PTCHD4: variants seen among roughly 807,000 people sequenced by gnomAD.
PTCHD4 encodes the protein patched domain-containing protein 4.
A neutral mutation model predicts 58.1 loss-of-function variants in PTCHD4; 33 were observed. That is an observed-to-expected ratio of 0.57 (90% CI 0.43 to 0.76). The LOEUF (loss-of-function observed/expected upper bound fraction) is 0.76. Ranked by LOEUF, PTCHD4 falls within the 30% of genes least tolerant of loss-of-function variation. PTCHD4 has a pLI of 0.00. For missense variants in PTCHD4, 1,058 were observed against 1,027.1 expected, an observed-to-expected ratio of 1.03 and a Z score of -0.41; for synonymous variants, 478 against 409.6, an observed-to-expected ratio of 1.17 and a Z score of -2.02.
chr6:48,030,293 A>G (rs1399895427), intron 3 of PTCHD4, among the ~76,000 whole-genome samples: 1 of 152,050 alleles, frequency 6.6e-6, no homozygotes, highest in Non-Finnish European at 1.5e-5. Flanking sequence ...GAGAAAAATT[A>G]TGTTTCCATG....
At chr6:47,990,506 C>T (rs1174186007) in intron 4 of PTCHD4, among the ~76,000 whole-genome samples, 4 of 152,148 alleles carry the variant, frequency 2.6e-5, no homozygotes, top group Non-Finnish European at 5.9e-5. Context: ...CCTTACTGTT[C>T]TCATGGTACT....
Position 47,879,468 on chromosome 6 carries a change from G to A in PTCHD4, c.1367C>T (p.Thr456Ile). ...FLREHYNEWI[T>I]NIYVKPFVVI... ...AACAAATGGCTTCACATATATATTG[G>A]TAATCCATTCATTATAATGTTCACG... is the stretch of plus-strand genomic sequence containing the variant. The change falls in exon 5 of 5, where the codon ACC becomes ATC. Residue 456 changes from threonine (T) to isoleucine (I), a missense_variant. Transcript: ENST00000339488. The A allele has an allele frequency of 6.2e-7, 1 of 1,613,590 alleles. No individual in the cohort carries two copies. Among genetic ancestry groups the A allele is most frequent in the Non-Finnish European group, 8.5e-7 (1 of 1,179,666 alleles).
intron 4 of PTCHD4, among the ~76,000 whole-genome samples, chr6:47,935,373 A>G (rs1198231465): frequency 2.6e-5 from 4 of 152,150 alleles, no homozygotes; most frequent in Non-Finnish European, 5.9e-5. Context: ...CTTTAAAATG[A>G]GAACATGTCA....
intron 4 of PTCHD4, among the ~76,000 whole-genome samples, chr6:47,952,345 T>G (rs963044919): frequency 1.3e-5 from 2 of 152,124 alleles, no homozygotes; most frequent in African/African-American, 4.8e-5. Context: ...CTCTGTAATT[T>G]TTTGTTGTCG....
chr6:47,990,731 G>A (rs1042454015), intron 4 of PTCHD4, among the ~76,000 whole-genome samples: 12 of 152,000 alleles, frequency 7.9e-5, no homozygotes, highest in African/African-American at 2.2e-4. Context: ...GGACTAATAC[G>A]TGTGCTTACC....
At chr6:47,984,450 C>G (rs2114017842) in intron 4 of PTCHD4, among the ~76,000 whole-genome samples, 1 of 152,146 alleles carries the variant, frequency 6.6e-6, no homozygotes, top group South Asian at 2.1e-4. Flanking sequence ...TGGGGGAAAC[C>G]ACCCCCATGA....
chr6:48,042,184 C>A (rs1011131047), intron 3 of PTCHD4, among the ~76,000 whole-genome samples: 5 of 151,954 alleles, frequency 3.3e-5, no homozygotes, highest in Non-Finnish European at 7.4e-5. Context: ...GACTCCCCAC[C>A]CTTTCTTTAA....
intron 3 of PTCHD4, among the ~76,000 whole-genome samples, chr6:48,013,723 C>G (rs1762773131): frequency 6.6e-6 from 1 of 152,088 alleles, no homozygotes; most frequent in Non-Finnish European, 1.5e-5. Flanking sequence ...ATGTGGAATT[C>G]TACTTCTGAT....
chr6:47,876,992 G>A lies in PTCHD4; in HGVS notation c.*1311C>T, dbSNP rs1270411277. ...TCCAGGTAACAAGAGCAACACTATTGTGAGAAGCTACAAATGGTACTGCAG... is the reference window on the plus strand; with the variant it reads ...TCCAGGTAACAAGAGCAACACTATTATGAGAAGCTACAAATGGTACTGCAG... On this transcript the variant is annotated 3_prime_UTR_variant, in exon 5 of 5. Coordinates refer to ENST00000339488, the MANE Select transcript of PTCHD4 (RefSeq NM_001384253.1). Among the ~76,000 whole-genome samples, 1 of 151,992 alleles carries A rather than the reference G, an allele frequency of 6.6e-6. No individual in the cohort carries two copies. The highest frequency in any genetic ancestry group is 1.5e-5 in the Non-Finnish European group (1 of 67,954).
intron 1 of PTCHD4, among the ~76,000 whole-genome samples, chr6:48,071,698 C>A (rs654460): frequency 6.6e-6 from 1 of 151,980 alleles, no homozygotes; most frequent in Non-Finnish European, 1.5e-5. Flanking sequence ...ACTTTATTTA[C>A]TTTTCCTTAC....
Position 47,879,635 on chromosome 6 carries a change from G to T in PTCHD4, c.1200C>A (p.Ser400Arg). 6.2e-7 allele frequency: 1 copy of T among 1,613,660 alleles called. No individual in the cohort carries two copies. Among genetic ancestry groups the T allele is most frequent in the Non-Finnish European group, 8.5e-7 (1 of 1,179,750 alleles). ...AGQLEQNRYH[S>R]IFCCKIPSAE... Reference sequence around the variant, plus strand: ...CAGAAGGGATCTTACAGCAAAAGATGCTGTGGTAGCGGTTTTGCTCTAGTT... The same window carrying T: ...CAGAAGGGATCTTACAGCAAAAGATTCTGTGGTAGCGGTTTTGCTCTAGTT... Residue 400 changes from serine (S) to arginine (R), a missense_variant, in exon 5 of 5, where the codon AGC becomes AGA. Coordinates refer to ENST00000339488, the MANE Select transcript of PTCHD4 (RefSeq NM_001384253.1).
chr6:47,957,247 G>C (rs903141087), intron 4 of PTCHD4, among the ~76,000 whole-genome samples: 2 of 147,372 alleles, frequency 1.4e-5, no homozygotes, highest in African/African-American at 2.5e-5. Context: ...GATGGTTAAG[G>C]TTTATATATA....
chr6:47,983,243 T>C (rs1397890258), intron 4 of PTCHD4, among the ~76,000 whole-genome samples: 2 of 152,136 alleles, frequency 1.3e-5, no homozygotes, highest in African/African-American at 4.8e-5. Flanking sequence ...GGGATTTTTG[T>C]TGCTTTTTTT....
At position 47,864,823 on chromosome 6, in the gene PTCHD4, A is replaced by G. The variant is rs1162810233; in HGVS notation, c.*13480T>C. On this transcript the variant is annotated 3_prime_UTR_variant, in exon 5 of 5. Coordinates refer to ENST00000339488, the MANE Select transcript of PTCHD4 (RefSeq NM_001384253.1). The stretch of plus-strand genomic sequence containing the variant: ...GTTTTGAATTAGAGACAGGCCATCC[A>G]ATGAATGTGTAACTATGTGTAAGGA... Among the ~76,000 whole-genome samples, 3 of 152,096 alleles carry G rather than the reference A, an allele frequency of 2.0e-5. No homozygotes were observed. Among genetic ancestry groups the G allele is most frequent in the Non-Finnish European group, 2.9e-5 (2 of 67,932 alleles).
intron 1 of PTCHD4, among the ~76,000 whole-genome samples, chr6:48,070,128 T>C (rs1248486835): frequency 1.1e-5 from 1 of 91,586 alleles, no homozygotes; most frequent in African/African-American, 3.6e-5. Context: ...TGTGTTTGTG[T>C]GTGTGTGTGT....
At position 47,863,741 on chromosome 6, in the gene PTCHD4, T is replaced by A. The variant is rs1302425167; in HGVS notation, c.*14562A>T. On this transcript the variant is annotated 3_prime_UTR_variant, in exon 5 of 5. Coordinates refer to ENST00000339488, the MANE Select transcript of PTCHD4 (RefSeq NM_001384253.1). The stretch of plus-strand genomic sequence containing the variant: ...GTCTATAACAGGACTTCTCTGAAAA[T>A]GACACATTCTTTTATACTCTACGCC... 1.3e-5 allele frequency among the ~76,000 whole-genome samples: 2 copies of A among 151,954 alleles called. No homozygotes were observed. The highest frequency in any genetic ancestry group is 2.9e-5 in the Non-Finnish European group (2 of 67,912).
chr6:47,921,335 T>C (rs1765426097), intron 4 of PTCHD4, among the ~76,000 whole-genome samples: 1 of 152,204 alleles, frequency 6.6e-6, no homozygotes, highest in African/African-American at 2.4e-5. Context: ...CTTATATTTA[T>C]CTTTTGTTAA....
Position 47,917,566 on chromosome 6 carries a change from A to G in PTCHD4, c.899-37630T>C, listed in dbSNP as rs145009521. Among the ~76,000 whole-genome samples, 430 of 152,292 alleles carry G rather than the reference A, an allele frequency of 2.8e-3. 4 individuals carry two copies. The highest frequency in any genetic ancestry group is 8.4e-3 in the African/African-American group (348 of 41,596). ...CCATAACCCTTTTAGTTCATCAACC[A>G]TCTTGAAGAAAACACTTGATTCTAC... On this transcript the variant is annotated intron_variant, in intron 4 of 4. Transcript: ENST00000339488.
chr6:47,988,714 A>T (rs1448280116), intron 4 of PTCHD4, among the ~76,000 whole-genome samples: 2 of 152,210 alleles, frequency 1.3e-5, no homozygotes, highest in Non-Finnish European at 2.9e-5. Flanking sequence ...CCATGTGAAA[A>T]GTGCCTTTCA....
Sources: gnomAD v4.1 joint callset for allele counts (sites outside exome capture counted in the v4.1 genomes callset) on GRCh38, gnomAD v4.1.1 for gene constraint, MANE v1.5 for transcripts, NCBI Gene and HGNC (gene_info 2026-07-23, HGNC 2026-07-21) for gene names.